Variants in TNPO1 observed in about 807,000 individuals in gnomAD.
TNPO1 encodes transportin 1, also known as transportin-1.
TNPO1 carries 8 observed loss-of-function variants against 119.5 expected under a neutral mutation model. The observed-to-expected ratio is 0.07, with a 90% CI of 0.04 to 0.12. The LOEUF (loss-of-function observed/expected upper bound fraction) is 0.12, where lower values mean the gene tolerates loss of function less well. TNPO1 is among the 10% of genes least tolerant of loss of function. TNPO1 has a pLI of 1.00. For missense variants in TNPO1, 576 were observed against 1,089.8 expected, an observed-to-expected ratio of 0.53 and a Z score of 6.64; for synonymous variants, 362 against 363.0, an observed-to-expected ratio of 1.00 and a Z score of 0.03.
intron 22 of TNPO1, among the ~76,000 whole-genome samples, chr5:72,903,228 C>T (rs774169584): frequency 6.6e-6 from 1 of 152,056 alleles, no homozygotes; most frequent in African/African-American, 2.4e-5. Flanking sequence ...TTGGTTGTTT[C>T]AACTAAGTTA....
intron 9 of TNPO1, among the ~76,000 whole-genome samples, chr5:72,880,015 CGTCTCTACCAAAAATACAAAAATTAGCTG>C (rs1748112023): frequency 6.6e-6 from 1 of 152,052 alleles, no homozygotes; most frequent in Non-Finnish European, 1.5e-5. Context: ...TGGTGAAACC[CGTCTCTACCAAAAATACAAAAATTAGCTG>C]GGCGTGGCAG....
chr5:72,882,949 A>T, intron 10 of TNPO1, 115 bp from the exon 11 acceptor site: 1 of 772,874 alleles, frequency 1.3e-6, no homozygotes. Context: ...CTCTGGAAGT[A>T]TATTTCAGAA....
Position 72,891,912 on chromosome 5 carries a change from A to G in TNPO1, c.1788+16A>G, listed in dbSNP as rs778956830. On this transcript the variant is annotated intron_variant, in intron 15 of 24. Transcript: ENST00000337273. Reference sequence around the variant, plus strand: ...TTTACTTGAGGTATGCAGGGCTAGTAATATTTAATCTGTTGCCAAGAACAC... The same window carrying G: ...TTTACTTGAGGTATGCAGGGCTAGTGATATTTAATCTGTTGCCAAGAACAC... The G allele has an allele frequency of 3.8e-6, 6 of 1,588,668 alleles. No individual in the cohort carries two copies. Among genetic ancestry groups the G allele is most frequent in the Non-Finnish European group, 5.2e-6 (6 of 1,163,888 alleles).
At chr5:72,853,595 T>A (rs1745756063) in intron 3 of TNPO1, among the ~76,000 whole-genome samples, 1 of 152,234 alleles carries the variant, frequency 6.6e-6, no homozygotes, top group Admixed American at 6.5e-5. Context: ...CATTATGCAG[T>A]TTCTCTGAGG....
chr5:72,838,011 A>C (rs926474211), intron 1 of TNPO1, among the ~76,000 whole-genome samples: 14 of 152,154 alleles, frequency 9.2e-5, no homozygotes, highest in Admixed American at 9.2e-4. Flanking sequence ...TCTGACTAAT[A>C]TATGCCCCTG....
intron 1 of TNPO1, among the ~76,000 whole-genome samples, chr5:72,830,439 A>T (rs1744409452): frequency 6.6e-6 from 1 of 152,160 alleles, no homozygotes; most frequent in Non-Finnish European, 1.5e-5. Context: ...CGAATTATTG[A>T]ATTTAATAAC....
chr5:72,848,362 C>G (rs769281313), intron 1 of TNPO1, 23 bp from the exon 2 acceptor site: 1 of 1,605,840 alleles, frequency 6.2e-7, no homozygotes. Flanking sequence ...TCCGTCTCTT[C>G]CTGTGTCTGG....
At chr5:72,855,980 G>C in intron 4 of TNPO1, 57 bp downstream of exon 4, 1 of 1,541,658 alleles carries the variant, frequency 6.5e-7, no homozygotes, top group Non-Finnish European at 8.9e-7. Flanking sequence ...CATTTTTAGA[G>C]ATGACAGATT....
At chr5:72,823,231 A>G (rs1744056813) in intron 1 of TNPO1, among the ~76,000 whole-genome samples, 1 of 151,972 alleles carries the variant, frequency 6.6e-6, no homozygotes, top group South Asian at 2.1e-4. Context: ...CTTTCAGACT[A>G]TGCTTCCTCC....
intron 1 of TNPO1, among the ~76,000 whole-genome samples, chr5:72,829,067 A>G (rs920323474): frequency 2.6e-5 from 4 of 152,210 alleles, no homozygotes; most frequent in African/African-American, 9.7e-5. Flanking sequence ...AGTTGGCAGT[A>G]TTATATGGAC....
intron 1 of TNPO1, among the ~76,000 whole-genome samples, chr5:72,821,685 A>C (rs1402461223): frequency 6.6e-6 from 1 of 152,214 alleles, no homozygotes; most frequent in Non-Finnish European, 1.5e-5. Context: ...TAAATAAACA[A>C]GTTCAATAAG....
rs1255277699 is a variant in TNPO1, at chr5:72,889,919, A to G, written c.1663A>G (p.Thr555Ala). 1 of 1,613,532 alleles carries G rather than the reference A, an allele frequency of 6.2e-7. No homozygotes were observed. Among genetic ancestry groups the G allele is most frequent in the Non-Finnish European group, 8.5e-7 (1 of 1,179,866 alleles). ...GCTCATTCTTTACGATGCCATAGGA[A>G]CATTAGCAGATTCAGTAGGACATCA... ...NLLILYDAIGTLADSVGHHLN... is the reference protein window; with the variant it reads ...NLLILYDAIGALADSVGHHLN... Residue 555 changes from threonine (T) to alanine (A), a missense_variant, in exon 14 of 25, where the codon ACA becomes GCA. Physicochemically the swap from Thr to Ala is moderately conservative, Grantham distance 58. This residue lies in a region of TNPO1 where 23 missense variants were observed against 105.8 expected (regional missense o/e 0.22). Coordinates refer to ENST00000337273, the MANE Select transcript of TNPO1 (RefSeq NM_002270.4).
chr5:72,872,487 T>G (rs1396275371), intron 6 of TNPO1, 152 bp from the exon 7 acceptor site: 1 of 532,592 alleles, frequency 1.9e-6, no homozygotes, highest in African/African-American at 1.9e-5. Context: ...TCAAATTCTT[T>G]CCTTGTTGAT....
intron 1 of TNPO1, among the ~76,000 whole-genome samples, chr5:72,823,566 T>C (rs1002846195): frequency 6.6e-6 from 1 of 152,140 alleles, no homozygotes; most frequent in Non-Finnish European, 1.5e-5. Context: ...CAATGGAATC[T>C]CCAACCCATT....
At chr5:72,899,153 T>C (rs530573464) in intron 20 of TNPO1, among the ~76,000 whole-genome samples, 2 of 152,334 alleles carry the variant, frequency 1.3e-5, no homozygotes, top group African/African-American at 4.8e-5. Flanking sequence ...TAATGTATTA[T>C]CTATTTTGTG....
Position 72,880,086 on chromosome 5 carries a change from C to G in TNPO1, c.921-2381C>G, listed in dbSNP as rs181198158. ...CCTGTAATTCCAGCTACTTGTGTGG[C>G]TGAGGCAGGAGAGTCACTTGAACCC... On this transcript the variant is annotated intron_variant, in intron 9 of 24. Transcript: ENST00000337273. Among the ~76,000 whole-genome samples, 31 of 152,176 alleles carry G rather than the reference C, an allele frequency of 2.0e-4. 1 individual carries two copies. In the East Asian group the frequency reaches 6.0e-3, roughly 30 times the overall value.
intron 9 of TNPO1, among the ~76,000 whole-genome samples, chr5:72,879,703 A>G (rs1748084731): frequency 6.6e-6 from 1 of 152,182 alleles, no homozygotes; most frequent in Non-Finnish European, 1.5e-5. Context: ...TTATTGTTTT[A>G]GATAATGTAT....
intron 1 of TNPO1, among the ~76,000 whole-genome samples, chr5:72,826,753 C>T (rs1186504101): frequency 6.6e-6 from 1 of 152,162 alleles, no homozygotes; most frequent in African/African-American, 2.4e-5. Context: ...CTTTTTGTTT[C>T]TACAGATACC....
At chr5:72,875,346 C>T (rs542429950) in intron 7 of TNPO1, among the ~76,000 whole-genome samples, 3 of 152,262 alleles carry the variant, frequency 2.0e-5, no homozygotes, top group Non-Finnish European at 4.4e-5. Context: ...CTCCTATGTC[C>T]TAATGACATG....
Sources: allele counts gnomAD v4.1 joint callset (sites outside exome capture counted in the v4.1 genomes callset), GRCh38; gene constraint gnomAD v4.1.1; regional missense constraint gnomAD v4.1.1; transcripts MANE v1.5; gene names NCBI Gene and HGNC (gene_info 2026-07-23, HGNC 2026-07-21).